The following IHO1 variants were observed in gnomAD, a reference collection of about 807,000 sequenced individuals.
IHO1 encodes the protein interactor of HORMAD1 1.
IHO1 carries 13 observed loss-of-function variants against 31.0 expected under a neutral mutation model. That is an observed-to-expected ratio of 0.42 (90% CI 0.27 to 0.67). IHO1 has a LOEUF of 0.67. Among genes scored for constraint, IHO1 ranks in the 30% least tolerant of loss-of-function variants. IHO1 has a pLI of 0.24. For missense variants in IHO1, 599 were observed against 687.5 expected, an observed-to-expected ratio of 0.87 and a Z score of 1.44; for synonymous variants, 221 against 248.4, an observed-to-expected ratio of 0.89 and a Z score of 1.04.
intron 6 of IHO1, among the ~76,000 whole-genome samples, chr3:49,246,983 G>A (rs1166352530): frequency 6.6e-6 from 1 of 151,384 alleles, no homozygotes; most frequent in Non-Finnish European, 1.5e-5. Flanking sequence ...TGAGTAGCTG[G>A]GATTACAGGT....
At chr3:49,237,832 A>AATGAGGAAC (rs2046577950) in intron 3 of IHO1, among the ~76,000 whole-genome samples, 1 of 149,822 alleles carries the variant, frequency 6.7e-6, no homozygotes, top group Non-Finnish European at 1.5e-5. Flanking sequence ...TAAAGGCCAG[A>AATGAGGAAC]ATGAGGAACA....
At chr3:49,200,471 A>AC in intron 1 of IHO1, 1 of 339,386 alleles carries the variant, frequency 2.9e-6, no homozygotes, top group African/African-American at 7.0e-5. Flanking sequence ...TCTCAAAAAA[A>AC]AAAAAAAGAA....
At chr3:49,215,076 A>T in intron 2 of IHO1, among the ~76,000 whole-genome samples, 1 of 144,902 alleles carries the variant, frequency 6.9e-6, no homozygotes. Context: ...TTTGAGATGG[A>T]GTCTCACTCT....
chr3:49,200,408 T>A (rs1315320789), intron 1 of IHO1, among the ~76,000 whole-genome samples: 2 of 145,846 alleles, frequency 1.4e-5, no homozygotes, highest in South Asian at 2.2e-4. Context: ...GAGGTGGCAG[T>A]GAGCTGAGAT....
At chr3:49,219,898 G>T (rs925849736) in intron 2 of IHO1, among the ~76,000 whole-genome samples, 1 of 152,200 alleles carries the variant, frequency 6.6e-6, no homozygotes, top group African/African-American at 2.4e-5. Context: ...AGAGGTAATG[G>T]AGCAGGTTTG....
At chr3:49,254,421 G>C (rs1190282827) in intron 6 of IHO1, among the ~76,000 whole-genome samples, 2 of 152,080 alleles carry the variant, frequency 1.3e-5, no homozygotes, top group African/African-American at 4.8e-5. Context: ...AATAAGTGGA[G>C]GGCAATAAAT....
chr3:49,214,001 C>A, intron 2 of IHO1: 1 of 398,398 alleles, frequency 2.5e-6, no homozygotes, highest in Non-Finnish European at 5.3e-6. Flanking sequence ...CTCAGAGGTA[C>A]CTCATACAGA....
chr3:49,201,333 C>T (rs2046067372), intron 1 of IHO1, among the ~76,000 whole-genome samples: 2 of 151,480 alleles, frequency 1.3e-5, no homozygotes, highest in East Asian at 2.0e-4. Context: ...GTTGGCTGTG[C>T]GCGGTGGCTC....
intron 2 of IHO1, among the ~76,000 whole-genome samples, chr3:49,216,965 C>T (rs186829280): frequency 2.6e-5 from 4 of 152,218 alleles, no homozygotes; most frequent in East Asian, 1.9e-4. Flanking sequence ...GTTAGAATGG[C>T]GATCATTAAA....
chr3:49,251,570 T>C (rs9847839), intron 6 of IHO1, among the ~76,000 whole-genome samples: 16,724 of 151,634 alleles, frequency 0.11, 1,019 homozygotes, highest in African/African-American at 0.14. Flanking sequence ...TGGTGTGAGC[T>C]GCTGCGCTCA....
chr3:49,246,029 A>G (rs780357495), intron 6 of IHO1, among the ~76,000 whole-genome samples: 16 of 151,782 alleles, frequency 1.1e-4, no homozygotes, highest in Non-Finnish European at 2.2e-4. Flanking sequence ...TAAAAATACA[A>G]AAATTAGCTG....
rs1400738319 is a variant in IHO1, at chr3:49,256,690, T to C, written c.1193T>C (p.Ile398Thr). 1 of 1,614,196 alleles carries C rather than the reference T, an allele frequency of 6.2e-7. No homozygotes were observed. Reference sequence around the variant, plus strand: ...GCCTCACAGCTCACATCATTGGAGATAAACTTTTCAACCAGCATTAAGAAT... The same window carrying C: ...GCCTCACAGCTCACATCATTGGAGACAAACTTTTCAACCAGCATTAAGAAT... ...QGASQLTSLE[I>T]NFSTSIKNAC... Residue 398 changes from isoleucine to threonine, a missense_variant, in exon 8 of 8, where the codon ATA becomes ACA. By Grantham distance (89) the Ile-to-Thr change is moderately conservative. Transcript: ENST00000452691. This position sits in a 1 kb window ranked among gnomAD's most constrained non-coding sequence, Gnocchi z 4.6.
intron 1 of IHO1, among the ~76,000 whole-genome samples, chr3:49,202,914 C>G (rs553139014): frequency 2.8e-5 from 4 of 142,536 alleles, no homozygotes; most frequent in Non-Finnish European, 6.0e-5. Context: ...GGACTGCGGA[C>G]CGCAGTGGCG....
In IHO1 at chr3:49,256,273, G is replaced by C; in HGVS notation, c.776G>C (p.Arg259Thr). The C allele has an allele frequency of 6.2e-7, 1 of 1,614,202 alleles. No homozygotes were observed. Among genetic ancestry groups the C allele is most frequent in the Non-Finnish European group, 8.5e-7 (1 of 1,180,046 alleles). The stretch of plus-strand genomic sequence containing the variant: ...CCCAGTGTCCTAGCAGAGCTGAAGA[G>C]ATTGATCTCAGTGCCTCCAGTGAAA... ...NVPSVLAELK[R>T]LISVPPVKDS... The change falls in exon 8 of 8, where the codon AGA becomes ACA. Residue 259 changes from arginine (R) to threonine (T), a missense_variant. Coordinates refer to ENST00000452691, the MANE Select transcript of IHO1 (RefSeq NM_001135197.2). The surrounding 1 kb of genome is among the most constrained non-coding windows in gnomAD (Gnocchi z 4.6).
chr3:49,225,050 G>A (rs776185182), intron 2 of IHO1, among the ~76,000 whole-genome samples: 102 of 152,226 alleles, frequency 6.7e-4, no homozygotes, highest in African/African-American at 1.8e-3. Flanking sequence ...CCCGTAAACA[G>A]TGAGGCCAGC....
At chr3:49,219,364 G>C (rs1299985547) in intron 2 of IHO1, among the ~76,000 whole-genome samples, 2 of 152,190 alleles carry the variant, frequency 1.3e-5, no homozygotes, top group Non-Finnish European at 2.9e-5. Flanking sequence ...GTGCCTTAAG[G>C]ACATGTTCCT....
At chr3:49,243,235 T>C (rs1242143047) in intron 4 of IHO1, among the ~76,000 whole-genome samples, 1 of 152,014 alleles carries the variant, frequency 6.6e-6, no homozygotes, top group African/African-American at 2.4e-5. Context: ...CTCTGCCGCC[T>C]GGGTTCAAGC....
At position 49,256,567 on chromosome 3, in the gene IHO1, G is replaced by A. The variant is rs1191361403; in HGVS notation, c.1070G>A (p.Cys357Tyr). 1 of 1,614,196 alleles carries A rather than the reference G, an allele frequency of 6.2e-7. No homozygotes were observed. Among genetic ancestry groups the A allele is most frequent in the Non-Finnish European group, 8.5e-7 (1 of 1,180,040 alleles). ...AAGGACAAGGTGGTGCAGACTAACT[G>A]CAAGAACTGGGCTGTTACTAAAACA... ...HVKDKVVQTNCKNWAVTKTGA... is the reference protein window; with the variant it reads ...HVKDKVVQTNYKNWAVTKTGA... Residue 357 changes from cysteine to tyrosine, a missense_variant, in exon 8 of 8, where the codon TGC becomes TAC. Transcript: ENST00000452691. The surrounding 1 kb of genome is among the most constrained non-coding windows in gnomAD (Gnocchi z 4.6).
At position 49,256,797 on chromosome 3, in the gene IHO1, G is replaced by A. The variant is rs777816251; in HGVS notation, c.1300G>A (p.Val434Ile). The A allele has an allele frequency of 3.1e-6, 5 of 1,614,242 alleles. No homozygotes were observed. The highest frequency in any genetic ancestry group is 1.7e-5 in the Admixed American group (1 of 60,028). Residue 434 changes from valine to isoleucine, a missense_variant, in exon 8 of 8, where the codon GTA (valine) becomes ATA (isoleucine). Coordinates refer to ENST00000452691, the MANE Select transcript of IHO1 (RefSeq NM_001135197.2). This position sits in a 1 kb window ranked among gnomAD's most constrained non-coding sequence, Gnocchi z 4.6. ...HLVIKQKDGT[V>I]EMRGKDKKQQ... is the part of the protein sequence containing the mutation. ...GGTGATTAAACAGAAAGATGGGACTGTAGAAATGCGGGGGAAAGACAAGAA... is the reference window on the plus strand; with the variant it reads ...GGTGATTAAACAGAAAGATGGGACTATAGAAATGCGGGGGAAAGACAAGAA...
Sources: gnomAD v4.1 joint callset for allele counts (sites outside exome capture counted in the v4.1 genomes callset) on GRCh38, gnomAD v4.1.1 for gene constraint, Gnocchi (gnomAD v3.1) non-coding constraint, MANE v1.5 for transcripts, NCBI Gene and HGNC (gene_info 2026-07-23, HGNC 2026-07-21) for gene names.